Variants in ETS1 observed in about 807,000 individuals in gnomAD.
The protein encoded by ETS1 is protein C-ets-1.
In ETS1, 15 loss-of-function variants were observed where a neutral mutation model predicts 58.6. The ratio of observed to expected loss-of-function variants is 0.26; its 90% CI spans 0.17 to 0.39. The LOEUF is 0.39. Among genes scored for constraint, ETS1 ranks in the 10% least tolerant of loss-of-function variants. ETS1 has a pLI of 1.00. For missense variants in ETS1, 417 were observed against 610.5 expected, an observed-to-expected ratio of 0.68 and a Z score of 3.34; for synonymous variants, 214 against 218.2, an observed-to-expected ratio of 0.98 and a Z score of 0.17.
chr11:128,559,063 T>G (rs1292281612), intron 2 of ETS1, among the ~76,000 whole-genome samples: 1 of 152,166 alleles, frequency 6.6e-6, no homozygotes, highest in African/African-American at 2.4e-5. Context: ...GCATGCATGG[T>G]TTGCCAAAAA....
chr11:128,570,794 C>T (rs1864610785), intron 2 of ETS1, among the ~76,000 whole-genome samples: 1 of 152,154 alleles, frequency 6.6e-6, no homozygotes, highest in South Asian at 2.1e-4. Flanking sequence ...CCTTTTCTGG[C>T]AACTTCTTCA....
intron 3 of ETS1, among the ~76,000 whole-genome samples, chr11:128,541,414 G>T (rs554887054): frequency 6.6e-6 from 1 of 152,302 alleles, no homozygotes; most frequent in African/African-American, 2.4e-5. Context: ...GCTAGGACAA[G>T]TTTGGACAAC....
intron 6 of ETS1, among the ~76,000 whole-genome samples, 160 bp from the exon 7 acceptor site, chr11:128,485,231 C>G (rs1862596506): frequency 6.6e-6 from 1 of 152,200 alleles, no homozygotes; most frequent in Admixed American, 6.5e-5. Context: ...TTGTCCACTA[C>G]TAAACAGCTT....
intron 3 of ETS1, among the ~76,000 whole-genome samples, chr11:128,496,994 T>C (rs1159231274): frequency 1.3e-5 from 2 of 152,050 alleles, no homozygotes; most frequent in Non-Finnish European, 2.9e-5. Context: ...AGGCCACCCA[T>C]CCCAACCAAA....
intron 2 of ETS1, among the ~76,000 whole-genome samples, chr11:128,567,611 G>GTTTTGTTTTTGT (rs5795622): frequency 0.35 from 52,028 of 147,530 alleles, 9,885 homozygotes; most frequent in East Asian, 0.56. Context: ...TGTTTTTTGG[G>GTTTTGTTTTTGT]TTTTGTTTTT....
At chr11:128,487,572 C>G (rs1427199458) in intron 5 of ETS1, among the ~76,000 whole-genome samples, 1 of 152,078 alleles carries the variant, frequency 6.6e-6, no homozygotes, top group Non-Finnish European at 1.5e-5. Context: ...AGCCCTGACT[C>G]TACTAAAAAT....
At chr11:128,492,869 C>G (rs1373653363) in intron 3 of ETS1, among the ~76,000 whole-genome samples, 1 of 152,076 alleles carries the variant, frequency 6.6e-6, no homozygotes, top group Non-Finnish European at 1.5e-5. Flanking sequence ...TGTAGCAGCC[C>G]CAGCTCCCAG....
At chr11:128,526,442 T>C (rs1863803008) in intron 3 of ETS1, 1 of 159,332 alleles carries the variant, frequency 6.3e-6, no homozygotes, top group African/African-American at 2.4e-5. Context: ...TTTAGCACAG[T>C]GTCTAGGTGA....
In ETS1 at chr11:128,470,453, C is replaced by T. The variant is rs549672919; in HGVS notation, c.1124-6826G>A. On this transcript the variant is annotated intron_variant, in intron 8 of 9. Coordinates refer to ENST00000392668, the MANE Select transcript of ETS1 (RefSeq NM_001143820.2). ...CTCTCTGGGCTTTACTTTTTCCTTT[C>T]CTAAAATGGAAATAGTAATCTCTGC... 4.6e-5 allele frequency among the ~76,000 whole-genome samples: 7 copies of T among 152,080 alleles called. No individual in the cohort carries two copies. The South Asian group carries it at 1.5e-3, about 32-fold the overall frequency.
At chr11:128,495,714 A>C (rs1862920240) in intron 3 of ETS1, among the ~76,000 whole-genome samples, 1 of 152,150 alleles carries the variant, frequency 6.6e-6, no homozygotes, top group African/African-American at 2.4e-5. Context: ...AGGATTCTAA[A>C]GACAAAGAAA....
At chr11:128,474,546 A>G (rs1021310733) in intron 8 of ETS1, among the ~76,000 whole-genome samples, 1 of 152,166 alleles carries the variant, frequency 6.6e-6, no homozygotes, top group African/African-American at 2.4e-5. Context: ...TTGCCTCCCA[A>G]CCAGTTCAAA....
At chr11:128,577,415 T>G (rs542195052) in intron 1 of ETS1, among the ~76,000 whole-genome samples, 1 of 152,166 alleles carries the variant, frequency 6.6e-6, no homozygotes, top group Non-Finnish European at 1.5e-5. Flanking sequence ...GACACCTAGG[T>G]GTTTGTTCGT....
At chr11:128,495,061 T>C (rs1862902237) in intron 3 of ETS1, among the ~76,000 whole-genome samples, 1 of 152,174 alleles carries the variant, frequency 6.6e-6, no homozygotes, top group African/African-American at 2.4e-5. Flanking sequence ...TCACATACAC[T>C]ATTCCAAAAT....
At chr11:128,501,149 C>T (rs1313938970) in intron 3 of ETS1, among the ~76,000 whole-genome samples, 1 of 152,168 alleles carries the variant, frequency 6.6e-6, no homozygotes, top group Non-Finnish European at 1.5e-5. Flanking sequence ...GTTCCTTCAA[C>T]CATTCATGTT....
chr11:128,482,610 G>T (rs2135446096), intron 7 of ETS1, among the ~76,000 whole-genome samples: 1 of 152,248 alleles, frequency 6.6e-6, no homozygotes, highest in African/African-American at 2.4e-5. Flanking sequence ...TGAGAGTTGT[G>T]GTTTACAGCG....
rs147699246 is a variant in ETS1, at chr11:128,550,467, C to T, written c.214+5824G>A. Among the ~76,000 whole-genome samples, 43 of 152,234 alleles carry T rather than the reference C, an allele frequency of 2.8e-4. No homozygotes were observed. The East Asian group carries it at 7.9e-3, about 28-fold the overall frequency. On this transcript the variant is annotated intron_variant, in intron 3 of 9. Transcript: ENST00000392668. Reference sequence around the variant, plus strand: ...GTATCAGATGAGCAAACTGACAGAGCGAGTGTGCGGGAGATATTAGGCATG... The same window carrying T: ...GTATCAGATGAGCAAACTGACAGAGTGAGTGTGCGGGAGATATTAGGCATG...
At chr11:128,469,543 C>T (rs868594970) in intron 8 of ETS1, among the ~76,000 whole-genome samples, 20 of 152,328 alleles carry the variant, frequency 1.3e-4, no homozygotes, top group Middle Eastern at 3.4e-3. Context: ...CCCTTTCTGT[C>T]AACCCTCTTC....
intron 3 of ETS1, among the ~76,000 whole-genome samples, chr11:128,508,110 C>T (rs140110647): frequency 1.5e-4 from 23 of 152,288 alleles, no homozygotes; most frequent in Non-Finnish European, 2.1e-4. Context: ...GCCACAGGGA[C>T]GGCTCTGGCC....
intron 3 of ETS1, among the ~76,000 whole-genome samples, chr11:128,524,129 C>T (rs1863755046): frequency 6.6e-6 from 1 of 152,198 alleles, no homozygotes; most frequent in Non-Finnish European, 1.5e-5. Context: ...CCCCAGTTTG[C>T]TCCTCAACTT....
Sources: allele counts gnomAD v4.1 joint callset (sites outside exome capture counted in the v4.1 genomes callset), GRCh38; gene constraint gnomAD v4.1.1; transcripts MANE v1.5; gene names NCBI Gene and HGNC (gene_info 2026-07-23, HGNC 2026-07-21).